The following RAPGEF5 variants were observed in gnomAD, a reference collection of about 807,000 sequenced individuals.
RAPGEF5 encodes Rap guanine nucleotide exchange factor 5, also known as M-Ras-regulated GEF.
A neutral mutation model predicts 125.2 loss-of-function variants in RAPGEF5; 65 were observed. That is an observed-to-expected ratio of 0.52 (90% CI 0.43 to 0.64). The LOEUF is 0.64. Ranked by LOEUF, RAPGEF5 falls within the 30% of genes least tolerant of loss-of-function variation. The pLI is 0.00. For missense variants in RAPGEF5, 958 were observed against 1,048.1 expected (o/e 0.91, Z 1.19); for synonymous variants, 391 against 385.9 (o/e 1.01, Z -0.16).
At chr7:22,356,747 G>A (rs1784427792) in intron 1 of RAPGEF5, 83 bp downstream of exon 1, 2 of 715,364 alleles carry the variant, frequency 2.8e-6, no homozygotes, top group Non-Finnish European at 3.5e-6. Flanking sequence ...ACTTCCAGAC[G>A]CCCCCCTCAG....
intron 8 of RAPGEF5, among the ~76,000 whole-genome samples, chr7:22,229,615 T>C (rs1469766325): frequency 6.6e-6 from 1 of 152,184 alleles, no homozygotes; most frequent in Non-Finnish European, 1.5e-5. Context: ...GATGGCAAAA[T>C]TCTAAGTTTT....
intron 1 of RAPGEF5, 122 bp from the exon 2 acceptor site, chr7:22,318,159 C>G: frequency 1.1e-6 from 1 of 925,868 alleles, no homozygotes; most frequent in East Asian, 2.8e-5. Flanking sequence ...AAAAAATGAG[C>G]TTAAATCTCA....
chr7:22,241,268 T>C (rs1786323383), intron 7 of RAPGEF5, among the ~76,000 whole-genome samples: 1 of 152,210 alleles, frequency 6.6e-6, no homozygotes, highest in Non-Finnish European at 1.5e-5. Context: ...GTCAGTAATT[T>C]TACTGCCAAA....
intron 11 of RAPGEF5, among the ~76,000 whole-genome samples, chr7:22,185,898 A>G (rs1265026244): frequency 6.6e-6 from 1 of 151,830 alleles, no homozygotes; most frequent in Non-Finnish European, 1.5e-5. Context: ...TCTGTTGCCC[A>G]AGCTGGACTG....
intron 11 of RAPGEF5, among the ~76,000 whole-genome samples, chr7:22,171,878 C>T (rs537371755): frequency 2.0e-5 from 3 of 152,196 alleles, no homozygotes; most frequent in Non-Finnish European, 4.4e-5. Context: ...ATTTTTGGGA[C>T]TATCCTCCCC....
intron 11 of RAPGEF5, chr7:22,191,726 CAAT>C (rs1785003398): frequency 2.1e-6 from 1 of 465,812 alleles, no homozygotes; most frequent in South Asian, 1.6e-5. Context: ...ACATTAGCAA[CAAT>C]AATAAGGGTG....
intron 6 of RAPGEF5, among the ~76,000 whole-genome samples, chr7:22,278,405 C>G (rs996995277): frequency 1.1e-4 from 17 of 152,210 alleles, no homozygotes; most frequent in African/African-American, 3.9e-4. Flanking sequence ...ATAATTTATA[C>G]TTATGTTAAT....
chr7:22,318,803 T>G (rs1783655870), intron 1 of RAPGEF5, among the ~76,000 whole-genome samples: 1 of 152,128 alleles, frequency 6.6e-6, no homozygotes, highest in Non-Finnish European at 1.5e-5. Flanking sequence ...ACGCTCCTCT[T>G]TAGAGCTCTG....
intron 11 of RAPGEF5, among the ~76,000 whole-genome samples, chr7:22,190,787 C>A (rs956512678): frequency 6.6e-6 from 1 of 152,118 alleles, no homozygotes; most frequent in Non-Finnish European, 1.5e-5. Context: ...TCTTCCCCAG[C>A]CTCTGATGGG....
At chr7:22,309,882 C>G in intron 4 of RAPGEF5, 87 bp downstream of exon 4, 1 of 1,379,554 alleles carries the variant, frequency 7.2e-7, no homozygotes, top group Non-Finnish European at 9.7e-7. Flanking sequence ...TCCATCCAGA[C>G]TGTAACATCC....
At chr7:22,330,716 A>G (rs1021791590) in intron 1 of RAPGEF5, among the ~76,000 whole-genome samples, 7 of 152,206 alleles carry the variant, frequency 4.6e-5, no homozygotes, top group African/African-American at 1.7e-4. Flanking sequence ...CCCCGTATTT[A>G]GATTCCATCA....
chr7:22,350,605 G>T (rs1222302448), intron 1 of RAPGEF5, among the ~76,000 whole-genome samples: 1 of 152,194 alleles, frequency 6.6e-6, no homozygotes. Flanking sequence ...GATAATAAGT[G>T]ATAGCACTGG....
chr7:22,241,789 G>A (rs1338665722), intron 7 of RAPGEF5, among the ~76,000 whole-genome samples: 1 of 152,168 alleles, frequency 6.6e-6, no homozygotes, highest in African/African-American at 2.4e-5. Flanking sequence ...TAGAGTGGAA[G>A]ATAAGGAATA....
chr7:22,126,098 A>G (rs6966947), intron 24 of RAPGEF5, among the ~76,000 whole-genome samples: 60,068 of 152,008 alleles, frequency 0.4, 12,380 homozygotes, highest in Middle Eastern at 0.5. Context: ...GCAGTGAGCC[A>G]AGATCCCATC....
chr7:22,338,039 A>T lies in RAPGEF5; in HGVS notation c.231+18791T>A, dbSNP rs574969941. ...AATCTTTTGAGATCAAAGAACTGTC[A>T]GTAGCATAATTGCTCAGTAAAAGTA... On this transcript the variant is annotated intron_variant, in intron 1 of 25. Transcript: ENST00000665637. Among the ~76,000 whole-genome samples the T allele has an allele frequency of 8.5e-5, 13 of 152,358 alleles. No individual in the cohort carries two copies. The South Asian group carries it at 2.7e-3, about 32-fold the overall frequency.
At chr7:22,167,827 T>C (rs951055689) in intron 11 of RAPGEF5, among the ~76,000 whole-genome samples, 10 of 152,338 alleles carry the variant, frequency 6.6e-5, no homozygotes, top group African/African-American at 2.4e-4. Flanking sequence ...TGTTATCATC[T>C]TTGTGCTTTA....
intron 12 of RAPGEF5, 73 bp from the exon 13 acceptor site, chr7:22,162,614 T>C: frequency 2.1e-6 from 3 of 1,396,222 alleles, no homozygotes; most frequent in South Asian, 1.2e-5. Flanking sequence ...CTCTTATTTT[T>C]ACAAAATATG....
intron 17 of RAPGEF5, among the ~76,000 whole-genome samples, chr7:22,153,994 AG>A (rs1783716542): frequency 6.6e-6 from 1 of 152,310 alleles, no homozygotes; most frequent in Middle Eastern, 3.4e-3. Flanking sequence ...GTCCACCTAA[AG>A]GAATATTGCC....
Position 22,136,021 on chromosome 7 carries a change from A to G in RAPGEF5, c.2416+17T>C, listed in dbSNP as rs144880762. ...GAAATATGAAATTACATGGCATAAAAGATAGAAAATCATTACCTTTAAGCA... is the reference window on the plus strand; with the variant it reads ...GAAATATGAAATTACATGGCATAAAGGATAGAAAATCATTACCTTTAAGCA... On this transcript the variant is annotated intron_variant, in intron 23 of 25. Transcript: ENST00000665637. 181 of 1,558,692 alleles carry G rather than the reference A, an allele frequency of 1.2e-4. 3 individuals are homozygous for G. The East Asian group carries it at 4.0e-3, about 35-fold the overall frequency.
Sources: gnomAD v4.1 joint callset for allele counts (sites outside exome capture counted in the v4.1 genomes callset) on GRCh38, gnomAD v4.1.1 for gene constraint, MANE v1.5 for transcripts, NCBI Gene and HGNC (gene_info 2026-07-23, HGNC 2026-07-21) for gene names.